Variants in SLC41A1 observed in about 807,000 individuals in gnomAD.
The protein encoded by SLC41A1 is solute carrier family 41 (magnesium transporter), member 1.
SLC41A1 carries 20 observed loss-of-function variants against 47.3 expected under a neutral mutation model. The ratio of observed to expected loss-of-function variants is 0.42; its 90% CI spans 0.30 to 0.61. The LOEUF (loss-of-function observed/expected upper bound fraction) is 0.61. Ranked by LOEUF, SLC41A1 falls within the 20% of genes least tolerant of loss-of-function variation. The pLI, the probability that SLC41A1 is intolerant of heterozygous loss-of-function variation, is 0.17. For synonymous variants in SLC41A1, 282 were observed against 272.7 expected, an observed-to-expected ratio of 1.03 and a Z score of -0.34; for missense variants, 504 against 674.1, an observed-to-expected ratio of 0.75 and a Z score of 2.79.
Position 205,791,030 on chromosome 1 carries a change from C to A in SLC41A1, c.*503G>T. ...TGGAGCAGGTGTCTCCTGTCCAGAGCTTTGAAGTTGGTCCACTTCTACAAA... is the reference window on the plus strand; with the variant it reads ...TGGAGCAGGTGTCTCCTGTCCAGAGATTTGAAGTTGGTCCACTTCTACAAA... On this transcript the variant is annotated 3_prime_UTR_variant, in exon 11 of 11. Transcript: ENST00000367137. The surrounding 1 kb of genome is among the most constrained non-coding windows in gnomAD (Gnocchi z 4.0). 1 of 221,466 alleles carries A rather than the reference C, an allele frequency of 4.5e-6. No homozygotes were observed. 13.7% of individuals were successfully genotyped at this position (221,466 alleles called of 1,614,324 possible).
intron 10 of SLC41A1, among the ~76,000 whole-genome samples, chr1:205,792,978 T>A (rs1655659290): frequency 6.6e-6 from 1 of 151,960 alleles, no homozygotes; most frequent in Non-Finnish European, 1.5e-5. Flanking sequence ...CCTGAGAGAA[T>A]CCTGCCCTCT....
chr1:205,807,681 C>T (rs941760790), intron 2 of SLC41A1, among the ~76,000 whole-genome samples: 1 of 104,758 alleles, frequency 9.5e-6, no homozygotes. Context: ...TTTGAGACAG[C>T]GTTTGGCTCT....
intron 2 of SLC41A1, among the ~76,000 whole-genome samples, chr1:205,808,595 G>A (rs1656070318): frequency 6.6e-6 from 1 of 152,218 alleles, no homozygotes; most frequent in Admixed American, 6.5e-5. Context: ...AGGAATAGAA[G>A]AGGTGAAGAA....
In SLC41A1 at chr1:205,797,818, C is replaced by G. The variant is rs575711525; in HGVS notation, c.992+86G>C. ...AATGAACACATTTCTAGGGTCTGAC[C>G]CCCACCCCATCTCTCCAGGGTTTAA... On this transcript the variant is annotated intron_variant, in intron 7 of 10. Transcript: ENST00000367137. The G allele has an allele frequency of 3.9e-4, 599 of 1,552,368 alleles. 5 individuals carry two copies. In the South Asian group the frequency reaches 5.0e-3, roughly 13 times the overall value.
chr1:205,810,503 C>T lies in SLC41A1; in HGVS notation c.-62G>A. The T allele has an allele frequency of 6.2e-7, 1 of 1,612,452 alleles. No individual in the cohort carries two copies. The highest frequency in any genetic ancestry group is 1.1e-5 in the South Asian group (1 of 90,656). The stretch of plus-strand genomic sequence containing the variant: ...TCTTCTTTTTGCTTTCTCTCTTCTT[C>T]TCTAACTTGGGAAAGAACTTAGTCT... On this transcript the variant is annotated 5_prime_UTR_variant, in exon 2 of 11. Transcript: ENST00000367137. The surrounding 1 kb of genome is among the most constrained non-coding windows in gnomAD (Gnocchi z 5.5).
At chr1:205,808,765 A>C (rs11586755) in intron 2 of SLC41A1, among the ~76,000 whole-genome samples, 3,368 of 152,346 alleles carry the variant, frequency 0.022, 49 homozygotes, top group South Asian at 0.031. Context: ...AAGGGGAGGC[A>C]GTGCAAGGCA....
In SLC41A1 at chr1:205,789,339, GTCC is replaced by G. The variant is rs1655563051; in HGVS notation, c.*2191_*2193del. On this transcript the variant is annotated 3_prime_UTR_variant, in exon 11 of 11. Transcript: ENST00000367137. ...CATTTTCTTTCCCTCTCACCCTACA[GTCC>G]TCCTCTGCTCACTCAGGGCCTGGGG... 1 of 152,148 alleles carries G rather than the reference GTCC, an allele frequency of 6.6e-6. No homozygotes were observed. The highest frequency in any genetic ancestry group is 2.1e-4 in the South Asian group (1 of 4,830). The allele number at this position is 152,148 out of a possible 1,614,324, so 9.4% of individuals were successfully genotyped here.
At position 205,798,985 on chromosome 1, in the gene SLC41A1, G is replaced by A; in HGVS notation, c.669C>T (p.Ala223=). ...HAFLLCASSV[A]TAFIASLVLG... ...GTACCAGGGAGGCAATGAAGGCTGT[G>A]GCCACGCTGCTAGCACAGAGCAGGA... The change falls in exon 5 of 11, where the codon GCC becomes GCT. Residue 223 remains alanine, a synonymous_variant. Coordinates refer to ENST00000367137, the MANE Select transcript of SLC41A1 (RefSeq NM_173854.6). 6.2e-7 allele frequency: 1 copy of A among 1,614,094 alleles called. No homozygotes were observed.
Position 205,812,811 on chromosome 1 carries a change from C to T in SLC41A1, c.-650G>A. 1 of 985,074 alleles carries T rather than the reference C, an allele frequency of 1.0e-6. No homozygotes were observed. The highest frequency in any genetic ancestry group is 1.7e-5 in the African/African-American group (1 of 57,336). The allele number at this position is 985,074 out of a possible 1,614,324, so 61.0% of individuals were successfully genotyped here. ...CCCAGGACCCCACAGGACTGACCTG[C>T]CCCTCGCCTGGGAGGAAGGGGGGCG... is the stretch of plus-strand genomic sequence containing the variant. On this transcript the variant is annotated 5_prime_UTR_variant, in exon 1 of 11. Coordinates refer to ENST00000367137, the MANE Select transcript of SLC41A1 (RefSeq NM_173854.6).
At position 205,799,063 on chromosome 1, in the gene SLC41A1, T is replaced by C. The variant is rs751335952; in HGVS notation, c.591A>G (p.Ala197=). ...CAGGGATCCAGCCAAAGACGACGGC[T>C]GCGATGGACGCCAGGAAGCCCACCA... ...ATVVGFLASI[A]AVVFGWIPDG... Residue 197 remains alanine, a synonymous_variant, in exon 5 of 11, where the codon GCA becomes GCG. Transcript: ENST00000367137. 1 of 1,612,968 alleles carries C rather than the reference T, an allele frequency of 6.2e-7. No homozygotes were observed. The highest frequency in any genetic ancestry group is 8.5e-7 in the Non-Finnish European group (1 of 1,179,942).
rs574642539 is a variant in SLC41A1 at position 205,796,716 on chromosome 1, T to C, written c.1072+208A>G. ...AGTAGAGGCTTCCCATTGCTGCTAATCTCTCGGTGCCTCAACATCCCTTAT... is the reference window on the plus strand; with the variant it reads ...AGTAGAGGCTTCCCATTGCTGCTAACCTCTCGGTGCCTCAACATCCCTTAT... On this transcript the variant is annotated intron_variant, in intron 8 of 10. Coordinates refer to ENST00000367137, the MANE Select transcript of SLC41A1 (RefSeq NM_173854.6). 285 of 610,280 alleles carry C rather than the reference T, an allele frequency of 4.7e-4. 1 individual carries two copies. The highest frequency in any genetic ancestry group is 6.5e-4 in the Non-Finnish European group (224 of 342,080). 37.8% of individuals were successfully genotyped at this position (610,280 alleles called of 1,614,324 possible). A position where few individuals can be genotyped will look rare whatever the true frequency, so the allele number is the denominator to read the frequency against.
intron 2 of SLC41A1, among the ~76,000 whole-genome samples, chr1:205,807,107 T>TG (rs1228318798): frequency 1.3e-5 from 2 of 151,804 alleles, no homozygotes; most frequent in African/African-American, 4.8e-5. Flanking sequence ...TATGAAGGGG[T>TG]AATATAGGTG....
intron 2 of SLC41A1, among the ~76,000 whole-genome samples, chr1:205,807,254 A>G (rs756459175): frequency 2.6e-5 from 4 of 151,842 alleles, no homozygotes; most frequent in Non-Finnish European, 4.4e-5. Context: ...CTGCCATCTC[A>G]CTGTTGCCAT....
At chr1:205,802,352 A>G (rs1655901296) in intron 2 of SLC41A1, among the ~76,000 whole-genome samples, 1 of 152,186 alleles carries the variant, frequency 6.6e-6, no homozygotes, top group Non-Finnish European at 1.5e-5. Context: ...CAAGCTCTTG[A>G]AAAATGTTCA....
Position 205,801,024 on chromosome 1 carries a change from T to C in SLC41A1, c.409A>G (p.Ile137Val). Residue 137 changes from isoleucine to valine, a missense_variant, in exon 3 of 11, where the codon ATC becomes GTC. Coordinates refer to ENST00000367137, the MANE Select transcript of SLC41A1 (RefSeq NM_173854.6). ...AGCCCCAGCAGCGCAGGCACTAGGA[T>C]GAAGACCTCTGTCACCTTCTGGAAG... Reference protein sequence around the residue: ...EVFQKVTEVFILVPALLGLKG... With the variant: ...EVFQKVTEVFVLVPALLGLKG... The C allele has an allele frequency of 1.2e-6, 2 of 1,614,136 alleles. No individual in the cohort carries two copies. The highest frequency in any genetic ancestry group is 1.7e-5 in the Admixed American group (1 of 60,030).
intron 2 of SLC41A1, among the ~76,000 whole-genome samples, chr1:205,803,632 C>CTTTTTTTTTTTTTTTTT (rs140199204): frequency 2.5e-5 from 3 of 121,026 alleles, no homozygotes; most frequent in Admixed American, 8.3e-5. Context: ...TAGTCAAATT[C>CTTTTTTTTTTTTTTTTT]TTTTTTTTTT....
intron 2 of SLC41A1, among the ~76,000 whole-genome samples, chr1:205,807,486 A>C (rs903902866): frequency 2.6e-5 from 4 of 152,076 alleles, no homozygotes; most frequent in African/African-American, 9.7e-5. Flanking sequence ...TTGGAATCTA[A>C]GTGTGTGGGA....
intron 2 of SLC41A1, among the ~76,000 whole-genome samples, chr1:205,802,536 G>A (rs1655906726): frequency 6.6e-6 from 1 of 151,838 alleles, no homozygotes; most frequent in Non-Finnish European, 1.5e-5. Flanking sequence ...GACCAACATG[G>A]AGAAACCCCG....
rs1655573078 is a variant in SLC41A1 at position 205,789,662 on chromosome 1, C to G, written c.*1871G>C. The G allele has an allele frequency of 6.6e-6, 1 of 152,198 alleles. No homozygotes were observed. The highest frequency in any genetic ancestry group is 6.5e-5 in the Admixed American group (1 of 15,282). 9.4% of individuals were successfully genotyped at this position (152,198 alleles called of 1,614,324 possible). ...TTGGACACAACTCCAACTAGAAAAC[C>G]TCTAAAATTCCTTCCAATTCTACGG... is the stretch of plus-strand genomic sequence containing the variant. On this transcript the variant is annotated 3_prime_UTR_variant, in exon 11 of 11. Transcript: ENST00000367137.
Sources: gnomAD v4.1 joint callset for allele counts (sites outside exome capture counted in the v4.1 genomes callset) on GRCh38, gnomAD v4.1.1 for gene constraint, Gnocchi (gnomAD v3.1) non-coding constraint, MANE v1.5 for transcripts, NCBI Gene and HGNC (gene_info 2026-07-23, HGNC 2026-07-21) for gene names.